Variants in NRP1 observed in about 807,000 individuals in gnomAD.
NRP1 encodes neuropilin-1.
In NRP1, 35 loss-of-function variants were observed where a neutral mutation model predicts 106.7. The ratio of observed to expected loss-of-function variants is 0.33; its 90% CI spans 0.25 to 0.43. The LOEUF (loss-of-function observed/expected upper bound fraction) is 0.43, where lower values mean the gene tolerates loss of function less well. NRP1 is among the 20% of genes least tolerant of loss of function. NRP1 has a pLI of 1.00. For synonymous variants in NRP1, 437 were observed against 417.9 expected, an observed-to-expected ratio of 1.05 and a Z score of -0.56; for missense variants, 1,024 against 1,170.4, an observed-to-expected ratio of 0.87 and a Z score of 1.83.
intron 10 of NRP1, among the ~76,000 whole-genome samples, chr10:33,207,181 T>C (rs1329289596): frequency 2.0e-5 from 3 of 151,482 alleles, no homozygotes; most frequent in Admixed American, 2.0e-4. Flanking sequence ...TACTTTGGAG[T>C]GATGGAAATA....
intron 3 of NRP1, among the ~76,000 whole-genome samples, chr10:33,266,427 A>G (rs1333332720): frequency 6.6e-6 from 1 of 152,208 alleles, no homozygotes; most frequent in Non-Finnish European, 1.5e-5. Flanking sequence ...TCTGCGCATG[A>G]CAAATGTGAG....
intron 1 of NRP1, among the ~76,000 whole-genome samples, chr10:33,333,839 A>T (rs1848443584): frequency 6.6e-6 from 1 of 152,056 alleles, no homozygotes; most frequent in Non-Finnish European, 1.5e-5. Context: ...CGGGGGAGGG[A>T]GTTTCATCAA....
intron 2 of NRP1, among the ~76,000 whole-genome samples, chr10:33,301,729 G>T (rs2132706805): frequency 6.6e-6 from 1 of 152,144 alleles, no homozygotes; most frequent in East Asian, 1.9e-4. Context: ...GATTTCAACA[G>T]CAAACAACAC....
chr10:33,305,776 C>CT (rs913351833), intron 2 of NRP1, among the ~76,000 whole-genome samples: 35 of 148,868 alleles, frequency 2.4e-4, no homozygotes, highest in Admixed American at 1.3e-3. Context: ...TTCTTTTTTT[C>CT]TTTTTTCTTT....
intron 6 of NRP1, among the ~76,000 whole-genome samples, chr10:33,242,973 A>G (rs1841134252): frequency 6.6e-6 from 1 of 152,200 alleles, no homozygotes; most frequent in Non-Finnish European, 1.5e-5. Context: ...AGAAAATAGC[A>G]GATTTTGGCA....
chr10:33,242,835 C>T (rs948895566), intron 6 of NRP1, among the ~76,000 whole-genome samples: 1 of 152,146 alleles, frequency 6.6e-6, no homozygotes, highest in African/African-American at 2.4e-5. Flanking sequence ...ACAGATAAGA[C>T]AAGTATAATG....
chr10:33,191,977 CAAA>C (rs58214479), intron 13 of NRP1, among the ~76,000 whole-genome samples: 424 of 71,706 alleles, frequency 5.9e-3, no homozygotes, highest in African/African-American at 0.011. Flanking sequence ...GACTCCATTT[CAAA>C]AAAAAAAAAA....
chr10:33,294,849 C>T (rs994588531), intron 2 of NRP1, among the ~76,000 whole-genome samples: 2 of 152,048 alleles, frequency 1.3e-5, no homozygotes, highest in African/African-American at 4.8e-5. Context: ...CTCTAAGGCC[C>T]TTTTGATTAA....
chr10:33,260,493 T>C (rs1564432366), intron 4 of NRP1, among the ~76,000 whole-genome samples: 1 of 152,202 alleles, frequency 6.6e-6, no homozygotes, highest in Non-Finnish European at 1.5e-5. Context: ...CCAGCCCCTT[T>C]TGCCAGCTGA....
intron 3 of NRP1, among the ~76,000 whole-genome samples, chr10:33,265,437 A>T (rs1395021587): frequency 6.6e-6 from 1 of 152,196 alleles, no homozygotes; most frequent in African/African-American, 2.4e-5. Flanking sequence ...TTAACTAAAC[A>T]TTCTCCCAAA....
At chr10:33,235,599 G>A (rs746469079) in intron 6 of NRP1, among the ~76,000 whole-genome samples, 5 of 152,186 alleles carry the variant, frequency 3.3e-5, no homozygotes, top group African/African-American at 4.8e-5. Context: ...ATATTATCTA[G>A]AGCAGATACA....
In NRP1 at chr10:33,178,870, G is replaced by C. The variant is rs1430094159; in HGVS notation, c.*1206C>G. 1 of 152,648 alleles carries C rather than the reference G, an allele frequency of 6.6e-6. No homozygotes were observed. The highest frequency in any genetic ancestry group is 1.5e-5 in the Non-Finnish European group (1 of 68,044). The allele number at this position is 152,648 out of a possible 1,614,324, so 9.5% of individuals were successfully genotyped here. A position where few individuals can be genotyped will look rare whatever the true frequency, so the allele number is the denominator to read the frequency against. On this transcript the variant is annotated 3_prime_UTR_variant, in exon 17 of 17. Transcript: ENST00000374867. ...CCAAAGTTAGACTTTGGAGGGCAAA[G>C]TTAGGAATTTCCCTTATTTATTTAT...
chr10:33,221,610 A>C (rs1334511118), intron 8 of NRP1, 109 bp downstream of exon 8: 5 of 1,214,330 alleles, frequency 4.1e-6, no homozygotes, highest in Non-Finnish European at 5.8e-6. Context: ...TGTCAAATAA[A>C]AATGATTGCA....
At chr10:33,217,562 T>C (rs1012122056) in intron 8 of NRP1, among the ~76,000 whole-genome samples, 1 of 152,188 alleles carries the variant, frequency 6.6e-6, no homozygotes, top group Non-Finnish European at 1.5e-5. Context: ...GGTCAAACCC[T>C]TTGGAAATAG....
chr10:33,270,605 G>A, intron 3 of NRP1, 70 bp downstream of exon 3: 1 of 1,365,842 alleles, frequency 7.3e-7, no homozygotes, highest in Non-Finnish European at 9.9e-7. Context: ...GAGATTACAG[G>A]GGTGAGCCAC....
Position 33,270,718 on chromosome 10 carries a change from T to C in NRP1, c.387A>G (p.Thr129=), listed in dbSNP as rs201638936. The C allele has an allele frequency of 2.5e-6, 4 of 1,613,988 alleles. No homozygotes were observed. The highest frequency in any genetic ancestry group is 1.1e-5 in the South Asian group (1 of 91,020). The change falls in exon 3 of 17, where the codon ACA becomes ACG. Residue 129 remains threonine, a synonymous_variant. Transcript: ENST00000374867. ...LFIKFVSDYE[T]HGAGFSIRYE... ...AACGTATGGAAAATCCTGCACCATG[T>C]GTTTCGTAGTCAGAGACAAATTTGA...
intron 2 of NRP1, among the ~76,000 whole-genome samples, chr10:33,287,928 C>T (rs992958198): frequency 6.6e-6 from 1 of 152,260 alleles, no homozygotes; most frequent in South Asian, 2.1e-4. Context: ...CATGCTTAGC[C>T]CATTCACAAC....
intron 2 of NRP1, among the ~76,000 whole-genome samples, chr10:33,274,588 G>T (rs1012254249): frequency 7.9e-5 from 12 of 152,106 alleles, no homozygotes; most frequent in African/African-American, 2.7e-4. Context: ...GCCTAAGTCA[G>T]GTTTTCTCTG....
intron 2 of NRP1, among the ~76,000 whole-genome samples, chr10:33,275,559 C>A (rs1214994403): frequency 6.6e-6 from 1 of 151,754 alleles, no homozygotes; most frequent in Non-Finnish European, 1.5e-5. Flanking sequence ...CAGAGCGAGA[C>A]TTTGTCTCAA....
Sources: allele counts gnomAD v4.1 joint callset (sites outside exome capture counted in the v4.1 genomes callset), GRCh38; gene constraint gnomAD v4.1.1; transcripts MANE v1.5; gene names NCBI Gene and HGNC (gene_info 2026-07-23, HGNC 2026-07-21).